The following RBFOX1 variants were observed in gnomAD, a reference collection of about 807,000 sequenced individuals.
The protein encoded by RBFOX1 is RNA binding protein fox-1 homolog 1.
Under a neutral mutation model 57.7 loss-of-function variants are expected in RBFOX1, and 8 were observed. The ratio of observed to expected loss-of-function variants is 0.14; its 90% CI spans 0.08 to 0.25. RBFOX1 has a LOEUF of 0.25. Ranked by LOEUF, RBFOX1 falls within the 10% of genes least tolerant of loss-of-function variation. RBFOX1 has a pLI of 1.00. For synonymous variants in RBFOX1, 326 were observed against 222.4 expected (o/e 1.47, Z -4.15); for missense variants, 611 against 548.5 (o/e 1.11, Z -1.14).
chr16:5,332,682 C>T (rs1336716626), intron 1 of RBFOX1, among the ~76,000 whole-genome samples: 2 of 151,476 alleles, frequency 1.3e-5, no homozygotes, highest in Non-Finnish European at 2.9e-5. Flanking sequence ...ATTTTATTTT[C>T]ATTTTTCACT....
chr16:7,049,643 A>G (rs1224191768), intron 3 of RBFOX1, among the ~76,000 whole-genome samples: 2 of 152,008 alleles, frequency 1.3e-5, no homozygotes, highest in Admixed American at 6.6e-5. Flanking sequence ...GGAGGTGGTA[A>G]TTCACCACTT....
Position 6,999,169 on chromosome 16 carries a change from T to TTTTTATTTTATTTTATTTTATTTTA in RBFOX1, c.-15-52878_-15-52854dup, listed in dbSNP as rs71408491. 3.7e-4 allele frequency among the ~76,000 whole-genome samples: 48 copies of TTTTTATTTTATTTTATTTTATTTTA among 128,026 alleles called. 4 individuals are homozygous for TTTTTATTTTATTTTATTTTATTTTA. Among genetic ancestry groups the TTTTTATTTTATTTTATTTTATTTTA allele is most frequent in the Admixed American group, 8.2e-4 (10 of 12,258 alleles). The allele number at this position is 128,026 out of a possible 152,430, so 84.0% of individuals were successfully genotyped here. A position where few individuals can be genotyped will look rare whatever the true frequency, so the allele number is the denominator to read the frequency against. ...CAGGTGTGAGCCACTGAGCCTGGCC[T>TTTTTATTTTATTTTATTTTATTTTA]TTTTATTTTATTTTATTTTATTTTA... On this transcript the variant is annotated intron_variant, in intron 3 of 15. Coordinates refer to ENST00000550418, the MANE Select transcript of RBFOX1 (RefSeq NM_018723.4).
chr16:5,426,783 A>G (rs2067574038), intron 1 of RBFOX1, among the ~76,000 whole-genome samples: 1 of 152,166 alleles, frequency 6.6e-6, no homozygotes, highest in Non-Finnish European at 1.5e-5. Flanking sequence ...CTTGCTGGCC[A>G]AGTGCTGGCT....
At chr16:6,656,376 G>C (rs2098651888) in intron 3 of RBFOX1, among the ~76,000 whole-genome samples, 1 of 152,112 alleles carries the variant, frequency 6.6e-6, no homozygotes, top group South Asian at 2.1e-4. Flanking sequence ...AACAACCTGA[G>C]CTCCATCACG....
intron 3 of RBFOX1, among the ~76,000 whole-genome samples, chr16:5,692,774 G>A (rs898772460): frequency 2.6e-5 from 4 of 151,990 alleles, no homozygotes; most frequent in African/African-American, 4.8e-5. Context: ...ACAGCCCACC[G>A]AACAAGAAAA....
intron 2 of RBFOX1, among the ~76,000 whole-genome samples, chr16:6,381,602 T>C (rs1224847193): frequency 6.6e-6 from 1 of 152,204 alleles, no homozygotes; most frequent in Non-Finnish European, 1.5e-5. Context: ...CCTTTACCTA[T>C]TGGATGTCAA....
intron 5 of RBFOX1, among the ~76,000 whole-genome samples, chr16:7,568,391 CTG>C (rs1280282013): frequency 6.6e-6 from 1 of 152,120 alleles, no homozygotes; most frequent in African/African-American, 2.4e-5. Context: ...CATTTGGAAA[CTG>C]TTGTGGTACT....
At chr16:7,211,253 G>T (rs1480271902) in intron 4 of RBFOX1, among the ~76,000 whole-genome samples, 1 of 151,828 alleles carries the variant, frequency 6.6e-6, no homozygotes, top group African/African-American at 2.4e-5. Context: ...TTAGCCAGGT[G>T]TGGTGGTGGG....
At chr16:6,895,543 G>T (rs2066678575) in intron 3 of RBFOX1, among the ~76,000 whole-genome samples, 1 of 147,108 alleles carries the variant, frequency 6.8e-6, no homozygotes, top group Admixed American at 6.9e-5. Context: ...CTACAAGGCA[G>T]CTGCACATGA....
intron 4 of RBFOX1, among the ~76,000 whole-genome samples, chr16:7,417,528 T>TCG (rs2098493712): frequency 1.5e-5 from 1 of 68,388 alleles, no homozygotes; most frequent in Admixed American, 1.6e-4. Flanking sequence ...TCACATGGTA[T>TCG]TGTGTGTGTG....
intron 2 of RBFOX1, among the ~76,000 whole-genome samples, chr16:6,634,588 T>C (rs935925576): frequency 6.8e-6 from 1 of 146,446 alleles, no homozygotes; most frequent in African/African-American, 2.5e-5. Flanking sequence ...TATTCAAATA[T>C]ATAATATTAA....
chr16:5,253,149 T>C (rs1382437890), intron 1 of RBFOX1, among the ~76,000 whole-genome samples: 1 of 152,154 alleles, frequency 6.6e-6, no homozygotes, highest in African/African-American at 2.4e-5. Flanking sequence ...TCTTTTTTTT[T>C]TTCTTTCTTT....
chr16:6,823,159 C>T (rs2091596529), intron 3 of RBFOX1, among the ~76,000 whole-genome samples: 1 of 152,160 alleles, frequency 6.6e-6, no homozygotes, highest in South Asian at 2.1e-4. Context: ...ACCATCTCAG[C>T]CCCAAAGTGA....
chr16:6,671,484 A>C (rs958910030), intron 3 of RBFOX1, among the ~76,000 whole-genome samples: 2 of 152,210 alleles, frequency 1.3e-5, no homozygotes, highest in Non-Finnish European at 2.9e-5. Flanking sequence ...GACATAATAG[A>C]AGAATAGGGA....
chr16:7,316,873 G>T (rs1430563040), intron 4 of RBFOX1, among the ~76,000 whole-genome samples: 1 of 151,626 alleles, frequency 6.6e-6, no homozygotes, highest in South Asian at 2.1e-4. Flanking sequence ...TGAGAGAGGG[G>T]TAAAGAGACA....
At chr16:6,616,584 G>A (rs1016109252) in intron 2 of RBFOX1, among the ~76,000 whole-genome samples, 3 of 152,194 alleles carry the variant, frequency 2.0e-5, no homozygotes, top group Non-Finnish European at 2.9e-5. Flanking sequence ...GCTGAGGCAG[G>A]AGAATAGCAT....
At chr16:6,315,536 GAT>G (rs2080989638) in intron 1 of RBFOX1, among the ~76,000 whole-genome samples, 1 of 34,902 alleles carries the variant, frequency 2.9e-5, no homozygotes, top group African/African-American at 2.2e-4. Flanking sequence ...TGAGTACATG[GAT>G]GGATGGATGG....
chr16:6,710,136 G>A (rs1328067481), intron 3 of RBFOX1, among the ~76,000 whole-genome samples: 2 of 152,122 alleles, frequency 1.3e-5, no homozygotes, highest in Non-Finnish European at 2.9e-5. Context: ...GGGACTGAGG[G>A]GAGTCCAAAT....
At chr16:6,715,005 T>C (rs943784218) in intron 3 of RBFOX1, among the ~76,000 whole-genome samples, 8 of 151,830 alleles carry the variant, frequency 5.3e-5, no homozygotes, top group Non-Finnish European at 1.5e-5. Context: ...GTCACAGGAG[T>C]TGGAGGTCTA....
Sources: gnomAD v4.1 joint callset for allele counts (sites outside exome capture counted in the v4.1 genomes callset) on GRCh38, gnomAD v4.1.1 for gene constraint, MANE v1.5 for transcripts, NCBI Gene and HGNC (gene_info 2026-07-23, HGNC 2026-07-21) for gene names.